Variants in RNF217 observed in about 807,000 individuals in gnomAD.
The protein encoded by RNF217 is ring finger protein 217.
In RNF217, 31 loss-of-function variants were observed where a neutral mutation model predicts 57.8. The ratio of observed to expected loss-of-function variants is 0.54; its 90% CI spans 0.40 to 0.72. The LOEUF (loss-of-function observed/expected upper bound fraction) is 0.72. RNF217 is among the 30% of genes least tolerant of loss of function. The pLI, the probability that RNF217 is intolerant of heterozygous loss-of-function variation, is 0.00. For synonymous variants in RNF217, 313 were observed against 294.0 expected (o/e 1.06, Z -0.66); for missense variants, 696 against 708.3 (o/e 0.98, Z 0.20).
intron 1 of RNF217, among the ~76,000 whole-genome samples, chr6:124,985,459 T>A (rs558956965): frequency 6.6e-6 from 1 of 152,328 alleles, no homozygotes; most frequent in East Asian, 1.9e-4. Flanking sequence ...CCAATTATAC[T>A]CTTAGTTATT....
intron 2 of RNF217, among the ~76,000 whole-genome samples, chr6:125,051,116 AGAGGTTTTT>A: frequency 6.6e-6 from 1 of 152,050 alleles, no homozygotes; most frequent in Non-Finnish European, 1.5e-5. Context: ...CAATATTTTT[AGAGGTTTTT>A]AACTTGTGCT....
At chr6:125,048,246 T>C in intron 2 of RNF217, 1 of 1,353,984 alleles carries the variant, frequency 7.4e-7, no homozygotes, top group South Asian at 1.2e-5. Flanking sequence ...ATCTTTGTTC[T>C]TTGTGATGAA....
chr6:125,050,779 C>T (rs890699586), intron 2 of RNF217, among the ~76,000 whole-genome samples: 7 of 150,748 alleles, frequency 4.6e-5, no homozygotes, highest in African/African-American at 1.7e-4. Flanking sequence ...GTGCGTCTTC[C>T]CTGCAAGGTT....
chr6:125,052,436 G>C (rs868564643), intron 2 of RNF217, among the ~76,000 whole-genome samples: 2 of 151,896 alleles, frequency 1.3e-5, no homozygotes, highest in Non-Finnish European at 2.9e-5. Flanking sequence ...GAGAAACTAA[G>C]GCAAGGATCA....
chr6:125,039,106 T>G (rs181165448), intron 1 of RNF217, among the ~76,000 whole-genome samples: 1 of 152,214 alleles, frequency 6.6e-6, no homozygotes, highest in African/African-American at 2.4e-5. Flanking sequence ...TGATGTTTGG[T>G]TTTCTGTTCC....
At chr6:124,975,053 C>G (rs1182239382) in intron 1 of RNF217, among the ~76,000 whole-genome samples, 2 of 152,184 alleles carry the variant, frequency 1.3e-5, no homozygotes, top group Admixed American at 6.5e-5. Flanking sequence ...TCTTTCTAAG[C>G]TATTTGCCTC....
At chr6:124,985,059 A>G (rs1358908259) in intron 1 of RNF217, among the ~76,000 whole-genome samples, 2 of 152,236 alleles carry the variant, frequency 1.3e-5, no homozygotes, top group African/African-American at 4.8e-5. Context: ...GCTCATACTC[A>G]TTCTTAGGTC....
chr6:125,009,569 T>TA (rs1436062472), intron 1 of RNF217: 1 of 331,280 alleles, frequency 3.0e-6, no homozygotes, highest in Non-Finnish European at 5.4e-6. Flanking sequence ...GGCAGCTGAC[T>TA]ATTCTATTGC....
At chr6:125,068,999 T>G (rs1367065864) in intron 3 of RNF217, among the ~76,000 whole-genome samples, 1 of 151,922 alleles carries the variant, frequency 6.6e-6, no homozygotes, top group Non-Finnish European at 1.5e-5. Flanking sequence ...TCTGAGAACA[T>G]GGGGCAGTGG....
intron 1 of RNF217, among the ~76,000 whole-genome samples, chr6:125,033,093 A>G (rs1236011372): frequency 1.3e-5 from 2 of 149,694 alleles, no homozygotes; most frequent in Non-Finnish European, 3.0e-5. Context: ...AGTCTCGACT[A>G]TTTTTCTTTT....
At chr6:125,017,154 CTT>C (rs373542199) in intron 1 of RNF217, among the ~76,000 whole-genome samples, 6 of 152,186 alleles carry the variant, frequency 3.9e-5, no homozygotes, top group African/African-American at 9.6e-5. Context: ...GTTTTGAAAA[CTT>C]TTTATGACAC....
chr6:125,050,621 C>T (rs570213661), intron 2 of RNF217, among the ~76,000 whole-genome samples: 1 of 151,940 alleles, frequency 6.6e-6, no homozygotes, highest in Non-Finnish European at 1.5e-5. Flanking sequence ...TAACCTTCCT[C>T]CTGGTAAAGA....
chr6:125,011,842 A>C (rs1785425064), intron 1 of RNF217, among the ~76,000 whole-genome samples: 1 of 151,230 alleles, frequency 6.6e-6, no homozygotes, highest in African/African-American at 2.4e-5. Flanking sequence ...TGTGATGTTC[A>C]AAGAAACTCT....
chr6:125,081,022 C>T (rs1788553929), intron 4 of RNF217, among the ~76,000 whole-genome samples: 1 of 152,008 alleles, frequency 6.6e-6, no homozygotes, highest in Non-Finnish European at 1.5e-5. Context: ...GACCTACCAG[C>T]TCTCCATGTT....
chr6:125,041,285 C>A (rs901042585), intron 1 of RNF217, among the ~76,000 whole-genome samples: 1 of 152,084 alleles, frequency 6.6e-6, no homozygotes, highest in Non-Finnish European at 1.5e-5. Context: ...CATCTACTGC[C>A]TGTAACAGCT....
chr6:125,036,613 A>G (rs935085269), intron 1 of RNF217, among the ~76,000 whole-genome samples: 1 of 152,148 alleles, frequency 6.6e-6, no homozygotes, highest in African/African-American at 2.4e-5. Context: ...AAATTTTTGC[A>G]ATCTATCCAT....
At chr6:125,011,654 T>A (rs950302436) in intron 1 of RNF217, among the ~76,000 whole-genome samples, 2 of 152,180 alleles carry the variant, frequency 1.3e-5, no homozygotes, top group African/African-American at 4.8e-5. Context: ...CATAGTTTTA[T>A]ATGAGAGAGC....
At chr6:124,996,257 C>T (rs958722228) in intron 1 of RNF217, among the ~76,000 whole-genome samples, 1 of 152,034 alleles carries the variant, frequency 6.6e-6, no homozygotes, top group Admixed American at 6.6e-5. Context: ...TCATTACCCT[C>T]ATTTATAATT....
intron 3 of RNF217, among the ~76,000 whole-genome samples, chr6:125,073,098 C>T (rs1788212373): frequency 6.6e-6 from 1 of 152,164 alleles, no homozygotes; most frequent in Middle Eastern, 3.2e-3. Context: ...CGTATTATCT[C>T]CACTTTAAGA....
Sources: allele counts gnomAD v4.1 joint callset (sites outside exome capture counted in the v4.1 genomes callset), GRCh38; gene constraint gnomAD v4.1.1; transcripts MANE v1.5; gene names NCBI Gene and HGNC (gene_info 2026-07-23, HGNC 2026-07-21).